RBFOX1: variants seen among roughly 807,000 people sequenced by gnomAD.
RBFOX1 encodes RNA binding fox-1 homolog 1.
In RBFOX1, 8 loss-of-function variants were observed where a neutral mutation model predicts 57.7. That is an observed-to-expected ratio of 0.14 (90% CI 0.08 to 0.25). The LOEUF is 0.25. RBFOX1 is among the 10% of genes least tolerant of loss of function. The pLI, the probability that RBFOX1 is intolerant of heterozygous loss-of-function variation, is 1.00. For missense variants in RBFOX1, 611 were observed against 548.5 expected, an observed-to-expected ratio of 1.11 and a Z score of -1.14; for synonymous variants, 326 against 222.4, an observed-to-expected ratio of 1.47 and a Z score of -4.15.
intron 1 of RBFOX1, among the ~76,000 whole-genome samples, chr16:5,425,782 C>T (rs1370589410): frequency 6.6e-6 from 1 of 152,152 alleles, no homozygotes; most frequent in African/African-American, 2.4e-5. Flanking sequence ...TTCCAGATCA[C>T]CTGGAACCCC....
At chr16:6,988,731 A>ATTTTTTTTTTTT (rs111959126) in intron 3 of RBFOX1, among the ~76,000 whole-genome samples, 9 of 91,296 alleles carry the variant, frequency 9.9e-5, no homozygotes, top group African/African-American at 4.8e-4. Context: ...CACCCAGCTA[A>ATTTTTTTTTTTT]TTTTTTTTTT....
chr16:6,363,414 A>C (rs77206585), intron 2 of RBFOX1, among the ~76,000 whole-genome samples: 8,485 of 152,294 alleles, frequency 0.056, 808 homozygotes, highest in African/African-American at 0.19. Context: ...GATGCACAGA[A>C]TGAGGCAGAA....
At chr16:7,163,049 G>A (rs1029876172) in intron 4 of RBFOX1, among the ~76,000 whole-genome samples, 3 of 152,188 alleles carry the variant, frequency 2.0e-5, no homozygotes, top group African/African-American at 7.2e-5. Context: ...CACAGAGCAG[G>A]TATTATGCCC....
intron 4 of RBFOX1, among the ~76,000 whole-genome samples, chr16:7,375,469 T>A (rs542003803): frequency 6.6e-6 from 1 of 152,132 alleles, no homozygotes; most frequent in Non-Finnish European, 1.5e-5. Flanking sequence ...GAGACCTGCA[T>A]TGGGCTCCCA....
intron 3 of RBFOX1, among the ~76,000 whole-genome samples, chr16:6,715,135 G>A (rs919891689): frequency 3.3e-5 from 5 of 152,228 alleles, no homozygotes; most frequent in Admixed American, 1.3e-4. Flanking sequence ...TTGGGACTAA[G>A]CCACAGTGTT....
In RBFOX1 at chr16:6,222,311, C is replaced by G. The variant is rs148157373; in HGVS notation, c.-126-94684C>G. The stretch of plus-strand genomic sequence containing the variant: ...CTTCTATACCTTGCTGTCTTCCGCT[C>G]TAGAGGCTGAAAGACTAATTTAAAA... On this transcript the variant is annotated intron_variant, in intron 1 of 15. Coordinates refer to ENST00000550418, the MANE Select transcript of RBFOX1 (RefSeq NM_018723.4). Among the ~76,000 whole-genome samples, 413 of 152,242 alleles carry G rather than the reference C, an allele frequency of 2.7e-3. 4 individuals carry two copies. Among genetic ancestry groups the G allele is most frequent in the Middle Eastern group, 0.02 (6 of 294 alleles).
At chr16:6,685,104 T>C (rs2059226334) in intron 3 of RBFOX1, among the ~76,000 whole-genome samples, 2 of 152,186 alleles carry the variant, frequency 1.3e-5, no homozygotes, top group Non-Finnish European at 2.9e-5. Flanking sequence ...CCCTATTTCC[T>C]GTCCAGAAAG....
chr16:5,942,922 C>T (rs911761714), intron 4 of RBFOX1, among the ~76,000 whole-genome samples: 1 of 152,196 alleles, frequency 6.6e-6, no homozygotes, highest in Non-Finnish European at 1.5e-5. Context: ...TGCAATGTCC[C>T]TGTCTGGTGC....
chr16:6,991,877 G>A (rs1035723574), intron 3 of RBFOX1, among the ~76,000 whole-genome samples: 2 of 152,154 alleles, frequency 1.3e-5, no homozygotes, highest in Non-Finnish European at 2.9e-5. Context: ...AATCACTTCA[G>A]GGTTTTGTAT....
intron 4 of RBFOX1, among the ~76,000 whole-genome samples, chr16:7,134,479 A>G (rs1425050625): frequency 1.3e-5 from 2 of 152,164 alleles, no homozygotes; most frequent in East Asian, 3.8e-4. Context: ...TTGGACTCAC[A>G]GTCATTTGAT....
At chr16:7,394,047 C>T (rs564886156) in intron 4 of RBFOX1, among the ~76,000 whole-genome samples, 1 of 151,932 alleles carries the variant, frequency 6.6e-6, no homozygotes, top group Non-Finnish European at 1.5e-5. Flanking sequence ...ACCATCCTGG[C>T]CACAATGGTG....
chr16:7,104,421 T>G (rs1475372308), intron 4 of RBFOX1, among the ~76,000 whole-genome samples: 5 of 152,078 alleles, frequency 3.3e-5, no homozygotes, highest in Non-Finnish European at 7.4e-5. Context: ...TAAAACAGAC[T>G]ATTGTCATCC....
intron 2 of RBFOX1, among the ~76,000 whole-genome samples, chr16:6,500,213 C>A: frequency 6.6e-6 from 1 of 152,252 alleles, no homozygotes; most frequent in Middle Eastern, 3.4e-3. Context: ...AGAATGGTAT[C>A]TTCTATTTTT....
At chr16:7,353,661 G>C (rs1411601157) in intron 4 of RBFOX1, among the ~76,000 whole-genome samples, 3 of 152,176 alleles carry the variant, frequency 2.0e-5, no homozygotes, top group African/African-American at 7.2e-5. Flanking sequence ...CTGTAGTGTG[G>C]ATGAACCTTG....
intron 2 of RBFOX1, among the ~76,000 whole-genome samples, chr16:5,531,669 G>A (rs2044482875): frequency 6.6e-6 from 1 of 152,116 alleles, no homozygotes; most frequent in Non-Finnish European, 1.5e-5. Context: ...AGGATTAAAT[G>A]AATCAATGTG....
At chr16:5,613,804 GT>G (rs201337779) in intron 3 of RBFOX1, among the ~76,000 whole-genome samples, 5,047 of 147,530 alleles carry the variant, frequency 0.034, 173 homozygotes, top group African/African-American at 0.079. Flanking sequence ...GGTAGATGGG[GT>G]TTTTTTTTTT....
intron 9 of RBFOX1, among the ~76,000 whole-genome samples, chr16:7,606,969 T>C (rs1046308980): frequency 6.6e-6 from 1 of 152,146 alleles, no homozygotes; most frequent in Non-Finnish European, 1.5e-5. Context: ...AAGAAAAAAT[T>C]AAAATTATTA....
intron 2 of RBFOX1, among the ~76,000 whole-genome samples, chr16:6,332,163 C>T (rs1257930099): frequency 6.6e-6 from 1 of 152,032 alleles, no homozygotes; most frequent in Non-Finnish European, 1.5e-5. Context: ...TGGCCTGCCT[C>T]ATTTAAGGTT....
chr16:5,399,081 C>T (rs1248163453), intron 1 of RBFOX1, among the ~76,000 whole-genome samples: 1 of 152,198 alleles, frequency 6.6e-6, no homozygotes, highest in East Asian at 1.9e-4. Flanking sequence ...TTGGTGAGAA[C>T]ACATGGCTTT....
Sources: allele counts gnomAD v4.1 joint callset (sites outside exome capture counted in the v4.1 genomes callset), GRCh38; gene constraint gnomAD v4.1.1; transcripts MANE v1.5; gene names NCBI Gene and HGNC (gene_info 2026-07-23, HGNC 2026-07-21).